Variants in MBD5 observed in about 807,000 individuals in gnomAD.
MBD5 encodes methyl-CpG binding domain protein 5, also known as methyl-CpG-binding domain protein 5.
Under a neutral mutation model 117.3 loss-of-function variants are expected in MBD5, and 13 were observed. That is an observed-to-expected ratio of 0.11 (90% CI 0.07 to 0.18). MBD5 has a LOEUF of 0.18. Ranked by LOEUF, MBD5 falls within the 10% of genes least tolerant of loss-of-function variation. The pLI, the probability that MBD5 is intolerant of heterozygous loss-of-function variation, is 1.00. For synonymous variants in MBD5, 727 were observed against 766.4 expected (o/e 0.95, Z 0.85); for missense variants, 1,879 against 2,093.8 (o/e 0.90, Z 2.00).
intron 1 of MBD5, chr2:148,054,347 A>G (rs1694800591): frequency 6.6e-6 from 1 of 152,236 alleles, no homozygotes; most frequent in South Asian, 2.1e-4. Context: ...TTTAAATGAA[A>G]TTTTAAAAGT....
intron 2 of MBD5, among the ~76,000 whole-genome samples, chr2:148,209,177 A>T (rs576610291): frequency 2.0e-5 from 3 of 152,204 alleles, no homozygotes; most frequent in Non-Finnish European, 4.4e-5. Context: ...TCATTTTATT[A>T]TATATCTCAT....
chr2:148,401,409 C>T (rs1486760385), intron 4 of MBD5, among the ~76,000 whole-genome samples: 1 of 151,908 alleles, frequency 6.6e-6, no homozygotes, highest in Non-Finnish European at 1.5e-5. Flanking sequence ...TGACTTCTAT[C>T]TTTATAGTTC....
rs1013455376 is a variant in MBD5, at chr2:148,066,188, C to T, written c.-925+44504C>T. Reference sequence around the variant, plus strand: ...GAGCATGGTGTTGTGCGCCTGTCATCGCAGCTACTTGGAAGGCTGAGGTGG... The same window carrying T: ...GAGCATGGTGTTGTGCGCCTGTCATTGCAGCTACTTGGAAGGCTGAGGTGG... On this transcript the variant is annotated intron_variant, in intron 1 of 13. Coordinates refer to ENST00000642680, the MANE Select transcript of MBD5 (RefSeq NM_001378120.1). Among the ~76,000 whole-genome samples the T allele has an allele frequency of 7.2e-5, 11 of 152,152 alleles. No individual in the cohort carries two copies. In the East Asian group the frequency reaches 1.4e-3, roughly 19 times the overall value.
At chr2:148,429,149 G>GA (rs57415335) in intron 4 of MBD5, among the ~76,000 whole-genome samples, 2 of 151,554 alleles carry the variant, frequency 1.3e-5, no homozygotes, top group Non-Finnish European at 2.9e-5. Flanking sequence ...AAATTTACAA[G>GA]AAAAAAAGAG....
chr2:148,293,816 T>A (rs1166871515), intron 3 of MBD5, among the ~76,000 whole-genome samples: 1 of 152,226 alleles, frequency 6.6e-6, no homozygotes, highest in Non-Finnish European at 1.5e-5. Context: ...TTGTTGAATA[T>A]TTTTAAAATG....
At chr2:148,381,588 A>G (rs1271879377) in intron 4 of MBD5, among the ~76,000 whole-genome samples, 4 of 152,174 alleles carry the variant, frequency 2.6e-5, no homozygotes, top group Admixed American at 1.3e-4. Context: ...CCAACATTCA[A>G]ATTCAGGAAA....
intron 1 of MBD5, among the ~76,000 whole-genome samples, chr2:148,061,702 C>G (rs1351314845): frequency 3.3e-5 from 5 of 151,642 alleles, no homozygotes; most frequent in Admixed American, 6.6e-5. Context: ...GACTAGAATT[C>G]TTGAAAATGA....
rs1005623335 is a variant in MBD5, at chr2:148,021,554, C to G, written c.-1055C>G. The G allele has an allele frequency of 5.5e-5, 30 of 548,634 alleles. No homozygotes were observed. The highest frequency in any genetic ancestry group is 4.6e-4 in the African/African-American group (24 of 52,430). 34.0% of individuals were successfully genotyped at this position (548,634 alleles called of 1,614,324 possible). A position where few individuals can be genotyped will look rare whatever the true frequency, so the allele number is the denominator to read the frequency against. ...CCTGGCTGGAGACATCTCACTACAC[C>G]CAGGAGCAGCCACTTCCCCAGCTCT... On this transcript the variant is annotated 5_prime_UTR_variant, in exon 1 of 14. Transcript: ENST00000642680.
intron 10 of MBD5, 62 bp downstream of exon 10, chr2:148,486,012 A>G: frequency 6.5e-7 from 1 of 1,529,200 alleles, no homozygotes; most frequent in Non-Finnish European, 9.1e-7. Context: ...TAAATACTTA[A>G]TTTGGGGGAA....
intron 2 of MBD5, among the ~76,000 whole-genome samples, chr2:148,216,696 A>T (rs1009125961): frequency 6.6e-6 from 1 of 152,208 alleles, no homozygotes; most frequent in African/African-American, 2.4e-5. Flanking sequence ...CAGATGAGGA[A>T]AAACAAGATC....
At chr2:148,352,280 G>A (rs1033703340) in intron 4 of MBD5, among the ~76,000 whole-genome samples, 10 of 151,916 alleles carry the variant, frequency 6.6e-5, no homozygotes, top group African/African-American at 1.4e-4. Flanking sequence ...TTTATAATAC[G>A]TACCAGCTTT....
At chr2:148,386,941 A>C (rs2105491762) in intron 4 of MBD5, among the ~76,000 whole-genome samples, 1 of 152,238 alleles carries the variant, frequency 6.6e-6, no homozygotes, top group Admixed American at 6.5e-5. Flanking sequence ...AAAAATAAAA[A>C]GCTTCAGGCC....
At chr2:148,025,550 A>C (rs1304239938) in intron 1 of MBD5, 2 of 137,378 alleles carry the variant, frequency 1.5e-5, no homozygotes, top group African/African-American at 5.1e-5. Context: ...AATTTTTCCA[A>C]AAAAAAAAAA....
intron 3 of MBD5, among the ~76,000 whole-genome samples, chr2:148,301,039 C>T (rs555601972): frequency 8.5e-5 from 13 of 152,272 alleles, no homozygotes; most frequent in Admixed American, 8.5e-4. Context: ...AATGTATTTT[C>T]TTCTGAAATT....
rs777647513 is a variant in MBD5, at chr2:148,490,241, C to G, written c.4609C>G (p.Leu1537Val). ...TCGACAGAGTCGGGGATTTGGAGAG[C>G]TGCTAAGCACTGCAAAGCAAGACCT... ...RPRQSRGFGE[L>V]LSTAKQDLVL... Residue 1537 changes from leucine to valine, a missense_variant, in exon 11 of 14, where the codon CTG becomes GTG. Physicochemically the swap from Leu to Val is conservative, Grantham distance 32. Transcript: ENST00000642680. 4 of 1,614,086 alleles carry G rather than the reference C, an allele frequency of 2.5e-6. No homozygotes were observed. In the African/African-American group the frequency reaches 4.0e-5, roughly 16 times the overall value.
intron 1 of MBD5, among the ~76,000 whole-genome samples, chr2:148,103,154 C>A (rs1696276084): frequency 6.6e-6 from 1 of 152,014 alleles, no homozygotes; most frequent in Non-Finnish European, 1.5e-5. Flanking sequence ...TGTGCTTTAT[C>A]TGCTTGTATT....
At chr2:148,431,798 G>A (rs530538080) in intron 4 of MBD5, among the ~76,000 whole-genome samples, 1 of 152,218 alleles carries the variant, frequency 6.6e-6, no homozygotes, top group South Asian at 2.1e-4. Flanking sequence ...TGGACATTTA[G>A]GTTGATTCCA....
intron 1 of MBD5, among the ~76,000 whole-genome samples, chr2:148,158,318 AC>A (rs1697920586): frequency 1.3e-5 from 2 of 152,338 alleles, no homozygotes; most frequent in African/African-American, 4.8e-5. Context: ...AAACAAGCAT[AC>A]ACAGCAAAAG....
At chr2:148,350,731 C>G (rs1168630668) in intron 4 of MBD5, among the ~76,000 whole-genome samples, 3 of 151,920 alleles carry the variant, frequency 2.0e-5, no homozygotes, top group African/African-American at 7.2e-5. Flanking sequence ...GCTAAAACTT[C>G]CCATTTTTGC....
Sources: gnomAD v4.1 joint callset for allele counts (sites outside exome capture counted in the v4.1 genomes callset) on GRCh38, gnomAD v4.1.1 for gene constraint, MANE v1.5 for transcripts, NCBI Gene and HGNC (gene_info 2026-07-23, HGNC 2026-07-21) for gene names.